The following TLL1 variants were observed in gnomAD, a reference collection of about 807,000 sequenced individuals.
TLL1 encodes the protein tolloid like 1.
Under a neutral mutation model 128.2 loss-of-function variants are expected in TLL1, and 49 were observed. The observed-to-expected ratio is 0.38, with a 90% CI of 0.30 to 0.48. The LOEUF (loss-of-function observed/expected upper bound fraction) is 0.48. Ranked by LOEUF, TLL1 falls within the 20% of genes least tolerant of loss-of-function variation. The pLI is 0.96. For synonymous variants in TLL1, 454 were observed against 418.8 expected (o/e 1.08, Z -1.03); for missense variants, 1,123 against 1,242.0 (o/e 0.90, Z 1.44).
intron 1 of TLL1, among the ~76,000 whole-genome samples, chr4:165,943,569 T>C (rs2110926871): frequency 6.6e-6 from 1 of 152,108 alleles, no homozygotes; most frequent in East Asian, 1.9e-4. Context: ...TTTAAAATAC[T>C]CATGCCAGGG....
chr4:165,886,170 A>T (rs1731156944), intron 1 of TLL1, among the ~76,000 whole-genome samples: 1 of 152,170 alleles, frequency 6.6e-6, no homozygotes, highest in African/African-American at 2.4e-5. Flanking sequence ...GTGTAATTGA[A>T]TTAAAAGAGC....
At chr4:166,019,842 T>C (rs1240216826) in intron 8 of TLL1, among the ~76,000 whole-genome samples, 1 of 152,210 alleles carries the variant, frequency 6.6e-6, no homozygotes, top group African/African-American at 2.4e-5. Context: ...TACATTCTTA[T>C]ATTTATTCAT....
At chr4:165,965,958 A>T (rs1309303710) in intron 1 of TLL1, among the ~76,000 whole-genome samples, 1 of 152,054 alleles carries the variant, frequency 6.6e-6, no homozygotes, top group African/African-American at 2.4e-5. Flanking sequence ...AGGTGGGTGG[A>T]TCACGAGGTC....
chr4:166,012,642 G>A (rs1167540262), intron 7 of TLL1, among the ~76,000 whole-genome samples: 1 of 151,678 alleles, frequency 6.6e-6, no homozygotes, highest in Non-Finnish European at 1.5e-5. Flanking sequence ...CATGCCTCAA[G>A]TTACAAGGCC....
At chr4:165,949,458 G>A (rs1020740991) in intron 1 of TLL1, among the ~76,000 whole-genome samples, 14 of 152,098 alleles carry the variant, frequency 9.2e-5, no homozygotes, top group Non-Finnish European at 1.6e-4. Flanking sequence ...TAATAAATGA[G>A]TATTGTTTTA....
Position 166,101,336 on chromosome 4 carries a change from A to C in TLL1, c.*460A>C. On this transcript the variant is annotated 3_prime_UTR_variant, in exon 21 of 21. Coordinates refer to ENST00000061240, the MANE Select transcript of TLL1 (RefSeq NM_012464.5). ...TTGTATCTTGGATACAGTGTAAACC[A>C]GATCCATATAAGGTGAATGTGAAAT... The C allele has an allele frequency of 1.4e-5, 3 of 213,928 alleles. No individual in the cohort carries two copies. Among genetic ancestry groups the C allele is most frequent in the South Asian group, 7.5e-5 (1 of 13,260 alleles). 13.3% of individuals were successfully genotyped at this position (213,928 alleles called of 1,614,324 possible).
At chr4:166,073,081 C>G (rs963855910) in intron 16 of TLL1, among the ~76,000 whole-genome samples, 2 of 152,110 alleles carry the variant, frequency 1.3e-5, no homozygotes, top group Non-Finnish European at 2.9e-5. Flanking sequence ...CAGAATAATT[C>G]TGCCACCAGC....
At chr4:165,949,882 C>A (rs771247815) in intron 1 of TLL1, among the ~76,000 whole-genome samples, 22 of 151,954 alleles carry the variant, frequency 1.4e-4, no homozygotes, top group Non-Finnish European at 2.5e-4. Context: ...ACGTAAACGA[C>A]AAGTAGAAAA....
At chr4:166,016,591 T>C (rs1317126307) in intron 8 of TLL1, among the ~76,000 whole-genome samples, 1 of 152,014 alleles carries the variant, frequency 6.6e-6, no homozygotes, top group Non-Finnish European at 1.5e-5. Flanking sequence ...TTGTGTAAAA[T>C]ACATTAATGG....
chr4:165,959,583 A>G (rs190360736), intron 1 of TLL1, among the ~76,000 whole-genome samples: 1 of 152,276 alleles, frequency 6.6e-6, no homozygotes, highest in African/African-American at 2.4e-5. Flanking sequence ...GATCAACCAC[A>G]TGCTTGGCCA....
intron 7 of TLL1, among the ~76,000 whole-genome samples, chr4:166,012,759 G>A (rs530548697): frequency 5.9e-5 from 9 of 151,776 alleles, no homozygotes; most frequent in East Asian, 3.9e-4. Context: ...GTCAATTCCC[G>A]TAAATCACTA....
intron 1 of TLL1, among the ~76,000 whole-genome samples, chr4:165,936,586 A>G (rs1348704159): frequency 6.6e-6 from 1 of 152,206 alleles, no homozygotes; most frequent in African/African-American, 2.4e-5. Context: ...ACTACAGTAT[A>G]CATATGTAAC....
intron 1 of TLL1, among the ~76,000 whole-genome samples, chr4:165,906,875 C>A (rs2110863693): frequency 7.2e-6 from 1 of 139,064 alleles, no homozygotes; most frequent in Non-Finnish European, 1.5e-5. Context: ...AGGAACTGTT[C>A]CACCAAGGAA....
intron 1 of TLL1, among the ~76,000 whole-genome samples, chr4:165,975,337 C>T (rs772863030): frequency 5.3e-5 from 8 of 151,932 alleles, no homozygotes; most frequent in South Asian, 2.1e-4. Flanking sequence ...CCCTCCCCCA[C>T]GCCACCCAAC....
At chr4:165,897,599 A>T (rs183886843) in intron 1 of TLL1, among the ~76,000 whole-genome samples, 2 of 144,576 alleles carry the variant, frequency 1.4e-5, no homozygotes, top group Admixed American at 1.4e-4. Context: ...CTGTTTTTGT[A>T]CCAGTACCAT....
chr4:166,025,428 G>T lies in TLL1; in HGVS notation c.1155G>T (p.Glu385Asp), dbSNP rs1738451080. The T allele has an allele frequency of 6.2e-7, 1 of 1,603,588 alleles. No individual in the cohort carries two copies. Among genetic ancestry groups the T allele is most frequent in the South Asian group, 1.1e-5 (1 of 90,856 alleles). Residue 385 changes from glutamate to aspartate, a missense_variant, in exon 9 of 21, where the codon GAG (glutamate) becomes GAT (aspartate). By Grantham distance (45) the Glu-to-Asp change is conservative. Around this residue, in one of 3 missense-constraint regions of TLL1, gnomAD observed 480 missense variants for 542.4 expected, o/e 0.89. Transcript: ENST00000061240. ...CIWRVSVTPGEKIVLNFTTMD... is the reference protein window; with the variant it reads ...CIWRVSVTPGDKIVLNFTTMD... The stretch of plus-strand genomic sequence containing the variant: ...GGAGAGTTTCTGTGACCCCAGGGGA[G>T]AAGGTAGTTTATACCGTCAAGCCCA...
rs564971472 is a variant in TLL1 at position 165,948,215 on chromosome 4, T to C, written c.170-41166T>C. Among the ~76,000 whole-genome samples, 5 of 152,252 alleles carry C rather than the reference T, an allele frequency of 3.3e-5. No homozygotes were observed. In the South Asian group the frequency reaches 1.0e-3, roughly 32 times the overall value. ...GGAACTGGTGTATTTATAACTGACATCCAATGCCTGTCTCACAATTGTATG... is the reference window on the plus strand; with the variant it reads ...GGAACTGGTGTATTTATAACTGACACCCAATGCCTGTCTCACAATTGTATG... On this transcript the variant is annotated intron_variant, in intron 1 of 20. Coordinates refer to ENST00000061240, the MANE Select transcript of TLL1 (RefSeq NM_012464.5).
chr4:166,083,574 C>T (rs1741380051), intron 18 of TLL1, among the ~76,000 whole-genome samples: 1 of 122,978 alleles, frequency 8.1e-6, no homozygotes, highest in African/African-American at 2.5e-5. Flanking sequence ...TGGTCAACAC[C>T]ATTCAACTCT....
At chr4:165,922,085 A>C (rs1733066304) in intron 1 of TLL1, among the ~76,000 whole-genome samples, 1 of 152,154 alleles carries the variant, frequency 6.6e-6, no homozygotes. Context: ...CTTATTTCAG[A>C]AAAGCTGACT....
Sources: gnomAD v4.1 joint callset for allele counts (sites outside exome capture counted in the v4.1 genomes callset) on GRCh38, gnomAD v4.1.1 for gene constraint, gnomAD v4.1.1 regional missense constraint, MANE v1.5 for transcripts, NCBI Gene and HGNC (gene_info 2026-07-23, HGNC 2026-07-21) for gene names.